SNCG: variants seen among roughly 807,000 people sequenced by gnomAD.
The protein encoded by SNCG is synuclein gamma.
SNCG carries 13 observed loss-of-function variants against 16.0 expected under a neutral mutation model. That is an observed-to-expected ratio of 0.81 (90% CI 0.53 to 1.29). SNCG has a LOEUF of 1.29. SNCG is among the 50% of genes most tolerant of loss of function. The pLI is 0.00. For synonymous variants in SNCG, 66 were observed against 66.3 expected, an observed-to-expected ratio of 1.00 and a Z score of 0.02; for missense variants, 154 against 168.5, an observed-to-expected ratio of 0.91 and a Z score of 0.48.
At position 86,962,676 on chromosome 10, in the gene SNCG, G is replaced by A; in HGVS notation, c.363+1G>A. The stretch of plus-strand genomic sequence containing the variant: ...AGAGAAAGAGGAAGTGGCAGAGGAG[G>A]TAGGAGCTGGGCTCCTGGGGTGCAC... On this transcript the variant is annotated splice_donor_variant, in intron 4 of 4. Coordinates refer to ENST00000372017, the MANE Select transcript of SNCG (RefSeq NM_003087.3). LOFTEE classifies it high-confidence loss of function. 6.2e-7 allele frequency: 1 copy of A among 1,610,666 alleles called. No homozygotes were observed. Among genetic ancestry groups the A allele is most frequent in the Non-Finnish European group, 8.5e-7 (1 of 1,178,136 alleles).
chr10:86,956,276 AC>A (rs1844226575), upstream of SNCG, among the ~76,000 whole-genome samples: 1 of 151,698 alleles, frequency 6.6e-6, no homozygotes, highest in Non-Finnish European at 1.5e-5. Flanking sequence ...CGCCACTGCC[AC>A]CAGACCCTCA....
At position 86,959,564 on chromosome 10, in the gene SNCG, TTG is replaced by T. The variant is rs1233027189; in HGVS notation, c.122-65_122-64del. On this transcript the variant is annotated intron_variant, in intron 1 of 4. Coordinates refer to ENST00000372017, the MANE Select transcript of SNCG (RefSeq NM_003087.3). This position sits in a 1 kb window ranked among gnomAD's most constrained non-coding sequence, Gnocchi z 4.3. ...CCCCACAGTTTGTCCAGCTGTTCTG[TTG>T]TGTTTGTCCTGACCGCCCCCAACAC... The T allele has an allele frequency of 7.5e-7, 1 of 1,341,802 alleles. No individual in the cohort carries two copies. Among genetic ancestry groups the T allele is most frequent in the East Asian group, 2.4e-5 (1 of 41,018 alleles). 83.1% of individuals were successfully genotyped at this position (1,341,802 alleles called of 1,614,324 possible).
At position 86,963,036 on chromosome 10, in the gene SNCG, C is replaced by CA; in HGVS notation, c.*52dup. On this transcript the variant is annotated 3_prime_UTR_variant, in exon 5 of 5. Coordinates refer to ENST00000372017, the MANE Select transcript of SNCG (RefSeq NM_003087.3). The stretch of plus-strand genomic sequence containing the variant: ...CTGAAGAGCGCTCCTCTGCCTTGGA[C>CA]ACCATCCCCTCCTAGCACAAGGAGT... The CA allele has an allele frequency of 6.4e-7, 1 of 1,559,742 alleles. No individual in the cohort carries two copies. The highest frequency in any genetic ancestry group is 8.7e-7 in the Non-Finnish European group (1 of 1,147,320).
chr10:86,956,771 G>C (rs948109046), upstream of SNCG, among the ~76,000 whole-genome samples: 1 of 152,234 alleles, frequency 6.6e-6, no homozygotes, highest in Admixed American at 6.5e-5. Flanking sequence ...TGGAGATGAG[G>C]GGGGACTTAC....
chr10:86,958,602 A>G lies in SNCG; in HGVS notation c.-96A>G. On this transcript the variant is annotated 5_prime_UTR_variant, in exon 1 of 5. Transcript: ENST00000372017. The stretch of plus-strand genomic sequence containing the variant: ...GGCGTCAATAGGAGGCATCGGGGAC[A>G]GCCGCTGCGGCAGCACTCGAGCCAG... 4 of 1,482,838 alleles carry G rather than the reference A, an allele frequency of 2.7e-6. No individual in the cohort carries two copies. Among genetic ancestry groups the G allele is most frequent in the Non-Finnish European group, 3.6e-6 (4 of 1,103,604 alleles). The allele number at this position is 1,482,838 out of a possible 1,614,324, so 91.9% of individuals were successfully genotyped here.
At chr10:86,958,591 G>A (rs1007616896), upstream of SNCG, 3 of 1,555,670 alleles carry the variant, frequency 1.9e-6, no homozygotes, top group East Asian at 4.8e-5. Context: ...TCAATAGGAG[G>A]CATCGGGGAC....
In SNCG at chr10:86,961,774, G is replaced by A. The variant is rs73353639; in HGVS notation, c.292-830G>A. Among the ~76,000 whole-genome samples the A allele has an allele frequency of 4.9e-3, 750 of 152,262 alleles. 4 individuals are homozygous for A. Among genetic ancestry groups the A allele is most frequent in the African/African-American group, 0.017 (710 of 41,556 alleles). ...TGCCCTGCCCCTGGATAGCCTGGCC[G>A]ACTCCCGCCAGCACAGCACTGCCCT... On this transcript the variant is annotated intron_variant, in intron 3 of 4. Coordinates refer to ENST00000372017, the MANE Select transcript of SNCG (RefSeq NM_003087.3).
upstream of SNCG, chr10:86,958,419 G>C (rs1290844172): frequency 2.0e-6 from 2 of 985,298 alleles, no homozygotes; most frequent in Non-Finnish European, 2.4e-6. Context: ...GGGCAGGAGA[G>C]CTGGGCTGAG....
chr10:86,958,690 C>T lies in SNCG; in HGVS notation c.-8C>T, dbSNP rs903072023. ...CTGCCTGCAGCAGCACAACCCTGCA[C>T]ACCCACCATGGATGTCTTCAAGAAG... On this transcript the variant is annotated 5_prime_UTR_variant, in exon 1 of 5. Transcript: ENST00000372017. 3 of 1,613,846 alleles carry T rather than the reference C, an allele frequency of 1.9e-6. No individual in the cohort carries two copies. The highest frequency in any genetic ancestry group is 2.7e-5 in the African/African-American group (2 of 74,950).
upstream of SNCG, chr10:86,958,004 G>C (rs7900271): frequency 0.96 from 964,068 of 1,004,484 alleles, 462,996 homozygotes; most frequent in Non-Finnish European, 0.97. Flanking sequence ...TCAAAGAAGG[G>C]AAGGGACTAT....
At chr10:86,958,999 G>A (rs1054253220) in intron 1 of SNCG, among the ~76,000 whole-genome samples, 181 bp downstream of exon 1, 7 of 152,176 alleles carry the variant, frequency 4.6e-5, no homozygotes, top group Non-Finnish European at 1.0e-4. Context: ...ACCTATGTGT[G>A]TTTGTCTTTG....
chr10:86,958,497 T>TCCCCACCC, upstream of SNCG: 1 of 1,098,156 alleles, frequency 9.1e-7, no homozygotes, highest in Non-Finnish European at 1.2e-6. Context: ...TGAACCTCCT[T>TCCCCACCC]CCCTCCCTCC....
chr10:86,960,837 C>T (rs947428816), intron 3 of SNCG, among the ~76,000 whole-genome samples: 2 of 152,242 alleles, frequency 1.3e-5, no homozygotes, highest in African/African-American at 4.8e-5. Flanking sequence ...ACAGCAAGCT[C>T]TGCTTTACGC....
chr10:86,962,730 TCC>T, intron 4 of SNCG, 55 bp downstream of exon 4: 2 of 1,430,130 alleles, frequency 1.4e-6, no homozygotes, highest in Admixed American at 1.9e-5. Context: ...AGGGACCCCA[TCC>T]CCCACAGACG....
Position 86,960,015 on chromosome 10 carries a change from A to T in SNCG, c.178A>T (p.Lys60Ter). The T allele has an allele frequency of 4.4e-6, 7 of 1,603,860 alleles. No homozygotes were observed. The highest frequency in any genetic ancestry group is 5.1e-6 in the Non-Finnish European group (6 of 1,176,102). ...QSVTSVAEKTKEQANAVSEAV... is the reference protein window; with the variant it reads ...QSVTSVAEKT ...TCCTCCCATAGTGGCCGAGAAGACC[A>T]AGGAGCAGGCCAACGCCGTGAGCGA... The change falls in exon 3 of 5, where the codon AAG becomes TAG. Residue 60 changes from lysine to a stop codon, truncating the protein, a stop_gained. Transcript: ENST00000372017. LOFTEE classifies it high-confidence loss of function.
In SNCG at chr10:86,959,594, C is replaced by T. The variant is rs370058279; in HGVS notation, c.122-39C>T. On this transcript the variant is annotated intron_variant, in intron 1 of 4. Transcript: ENST00000372017. The surrounding 1 kb of genome is among the most constrained non-coding windows in gnomAD (Gnocchi z 4.3). The stretch of plus-strand genomic sequence containing the variant: ...TTTGTCCTGACCGCCCCCAACACCT[C>T]GAGGGAGGTCTGGGCTGACAGCTCC... The T allele has an allele frequency of 1.9e-5, 30 of 1,606,244 alleles. No individual in the cohort carries two copies. The highest frequency in any genetic ancestry group is 1.3e-4 in the African/African-American group (10 of 74,668).
rs1409329789 is a variant in SNCG, at chr10:86,962,944, G to T, written c.364-21G>T. On this transcript the variant is annotated intron_variant, in intron 4 of 4. Transcript: ENST00000372017. ...AAGGCTGGGGCCTGGAGCTGGGTGT[G>T]CAGGTCATTCTCTCTCCCAGGCCCA... 1.7e-5 allele frequency: 27 copies of T among 1,598,512 alleles called. No homozygotes were observed. The East Asian group carries it at 6.1e-4, about 36-fold the overall frequency.
At chr10:86,956,078 A>G (rs1844220867), upstream of SNCG, among the ~76,000 whole-genome samples, 1 of 152,004 alleles carries the variant, frequency 6.6e-6, no homozygotes, top group Admixed American at 6.5e-5. Flanking sequence ...GCCTGAGACT[A>G]AGGCGTGGAG....
At position 86,959,444 on chromosome 10, in the gene SNCG, C is replaced by T. The variant is rs1844299260; in HGVS notation, c.122-189C>T. The T allele has an allele frequency of 1.6e-6, 1 of 632,622 alleles. No individual in the cohort carries two copies. The highest frequency in any genetic ancestry group is 2.8e-6 in the Non-Finnish European group (1 of 353,084). The allele number at this position is 632,622 out of a possible 1,614,324, so 39.2% of individuals were successfully genotyped here. On this transcript the variant is annotated intron_variant, in intron 1 of 4. Transcript: ENST00000372017. This position sits in a 1 kb window ranked among gnomAD's most constrained non-coding sequence, Gnocchi z 4.3. Reference sequence around the variant, plus strand: ...TCTTGTCCCCCACATTCTGTCCTGTCCCCTTCCCATCCATCCACTTCTTCC... The same window carrying T: ...TCTTGTCCCCCACATTCTGTCCTGTTCCCTTCCCATCCATCCACTTCTTCC...
Sources: gnomAD v4.1 joint callset for allele counts (sites outside exome capture counted in the v4.1 genomes callset) on GRCh38, gnomAD v4.1.1 for gene constraint, Gnocchi (gnomAD v3.1) non-coding constraint, MANE v1.5 for transcripts, NCBI Gene and HGNC (gene_info 2026-07-23, HGNC 2026-07-21) for gene names.